The following OPCML variants were observed in gnomAD, a reference collection of about 807,000 sequenced individuals.
OPCML encodes the protein opioid binding protein/cell adhesion molecule like, also known as opioid-binding protein/cell adhesion molecule.
OPCML carries 13 observed loss-of-function variants against 37.8 expected under a neutral mutation model. That is an observed-to-expected ratio of 0.34 (90% CI 0.22 to 0.55). The LOEUF is 0.55. OPCML is among the 20% of genes least tolerant of loss of function. OPCML has a pLI of 0.91. For synonymous variants in OPCML, 176 were observed against 168.8 expected (o/e 1.04, Z -0.33); for missense variants, 341 against 435.6 (o/e 0.78, Z 1.93).
At position 132,960,021 on chromosome 11, in the gene OPCML, G is replaced by C. The variant is rs532735340; in HGVS notation, c.62-17011C>G. Among the ~76,000 whole-genome samples the C allele has an allele frequency of 8.0e-4, 122 of 152,266 alleles. 1 individual carries two copies. Among genetic ancestry groups the C allele is most frequent in the African/African-American group, 2.7e-3 (113 of 41,548 alleles). ...TGGCTCTAAAATTGAGCTTAAACAGGCTGCTTGAACCTCTTGACCTTGACC... is the reference window on the plus strand; with the variant it reads ...TGGCTCTAAAATTGAGCTTAAACAGCCTGCTTGAACCTCTTGACCTTGACC... On this transcript the variant is annotated intron_variant, in intron 1 of 7. Transcript: ENST00000524381.
chr11:132,597,928 A>G (rs2137752406), intron 3 of OPCML, among the ~76,000 whole-genome samples: 1 of 152,230 alleles, frequency 6.6e-6, no homozygotes, highest in Non-Finnish European at 1.5e-5. Context: ...AATTTTCCTT[A>G]ATGTGCTAAG....
intron 1 of OPCML, among the ~76,000 whole-genome samples, chr11:133,268,280 T>C (rs1478046500): frequency 2.0e-5 from 3 of 152,226 alleles, no homozygotes; most frequent in Non-Finnish European, 2.9e-5. Flanking sequence ...ATGCAACTGA[T>C]AGAACAGTAT....
chr11:132,534,278 A>T (rs2096334316), intron 3 of OPCML, among the ~76,000 whole-genome samples: 1 of 152,162 alleles, frequency 6.6e-6, no homozygotes, highest in African/African-American at 2.4e-5. Flanking sequence ...CTTGTATAAA[A>T]CATACATAGT....
intron 1 of OPCML, among the ~76,000 whole-genome samples, chr11:133,204,868 GTATA>G (rs57658806): frequency 0.025 from 2,961 of 116,946 alleles, 83 homozygotes; most frequent in East Asian, 0.06. Context: ...ATATATATGT[GTATA>G]TATATATATA....
At chr11:133,152,309 T>G (rs1949997950) in intron 1 of OPCML, among the ~76,000 whole-genome samples, 1 of 152,218 alleles carries the variant, frequency 6.6e-6, no homozygotes, top group Non-Finnish European at 1.5e-5. Flanking sequence ...TTTGTGATGC[T>G]TATCAACAGT....
At chr11:133,007,289 G>T (rs1947131536) in intron 1 of OPCML, 1 of 985,318 alleles carries the variant, frequency 1.0e-6, no homozygotes, top group South Asian at 4.7e-5. Flanking sequence ...TTATGCTGTT[G>T]CAGGATACAG....
At chr11:133,501,186 G>T (rs781613355) in intron 1 of OPCML, among the ~76,000 whole-genome samples, 24 of 152,196 alleles carry the variant, frequency 1.6e-4, no homozygotes, top group Admixed American at 1.4e-3. Context: ...ACACACAAGC[G>T]CCAGATTCAC....
At chr11:133,430,428 G>C (rs568190911) in intron 1 of OPCML, among the ~76,000 whole-genome samples, 93 of 152,282 alleles carry the variant, frequency 6.1e-4, no homozygotes, top group African/African-American at 2.2e-3. Context: ...GAATATTCCA[G>C]ATGGCCTAAA....
At chr11:132,566,072 T>C (rs1432112203) in intron 3 of OPCML, among the ~76,000 whole-genome samples, 1 of 152,232 alleles carries the variant, frequency 6.6e-6, no homozygotes, top group Non-Finnish European at 1.5e-5. Context: ...CATTTGGCTC[T>C]GTCTGATTAA....
chr11:132,975,952 A>G (rs1370946699), intron 1 of OPCML, among the ~76,000 whole-genome samples: 1 of 152,090 alleles, frequency 6.6e-6, no homozygotes, highest in Non-Finnish European at 1.5e-5. Flanking sequence ...TTGTATTTTT[A>G]GTAGAGACGG....
intron 1 of OPCML, among the ~76,000 whole-genome samples, chr11:133,262,610 C>T (rs1443885252): frequency 6.6e-6 from 1 of 152,184 alleles, no homozygotes; most frequent in Non-Finnish European, 1.5e-5. Context: ...TGGCCAGACA[C>T]CCTTCCACTG....
chr11:133,007,823 C>T (rs1947140965), intron 1 of OPCML: 5 of 985,364 alleles, frequency 5.1e-6, no homozygotes, highest in Non-Finnish European at 6.0e-6. Context: ...GATCACTCAG[C>T]TTTTTGCAGT....
intron 1 of OPCML, among the ~76,000 whole-genome samples, chr11:133,202,949 G>T (rs1938863820): frequency 6.6e-6 from 1 of 152,220 alleles, no homozygotes; most frequent in South Asian, 2.1e-4. Flanking sequence ...AGCTGCACTT[G>T]TTTAGTATCT....
intron 2 of OPCML, among the ~76,000 whole-genome samples, chr11:132,845,022 A>G (rs1941461054): frequency 6.6e-6 from 1 of 151,368 alleles, no homozygotes; most frequent in Admixed American, 6.6e-5. Context: ...CTGTATGGAT[A>G]GCAAACATGT....
At chr11:133,215,203 A>AGTGTGT (rs566797124) in intron 1 of OPCML, among the ~76,000 whole-genome samples, 9 of 148,860 alleles carry the variant, frequency 6.0e-5, no homozygotes, top group African/African-American at 2.1e-4. Context: ...AGAGAGAGAG[A>AGTGTGT]GAGTGTGTGT....
At chr11:132,924,184 AAAAT>A (rs1310759217) in intron 2 of OPCML, among the ~76,000 whole-genome samples, 2 of 152,034 alleles carry the variant, frequency 1.3e-5, no homozygotes, top group Non-Finnish European at 2.9e-5. Flanking sequence ...AGAGGAAGTA[AAAAT>A]AAATAAATAA....
chr11:132,901,461 C>T (rs1013610621), intron 2 of OPCML, among the ~76,000 whole-genome samples: 1 of 152,138 alleles, frequency 6.6e-6, no homozygotes, highest in African/African-American at 2.4e-5. Context: ...ATGAATAGCC[C>T]AGCGTTGCAC....
chr11:132,907,399 G>A (rs547094534), intron 2 of OPCML, among the ~76,000 whole-genome samples: 166 of 152,222 alleles, frequency 1.1e-3, no homozygotes, highest in African/African-American at 3.7e-3. Context: ...TTGGGAGGCC[G>A]AAGCTGGTGG....
At chr11:133,019,647 A>G (rs1054825393) in intron 1 of OPCML, among the ~76,000 whole-genome samples, 2 of 152,178 alleles carry the variant, frequency 1.3e-5, no homozygotes, top group Non-Finnish European at 1.5e-5. Context: ...AGACTACAAC[A>G]TCTATCTTCA....
Sources: allele counts gnomAD v4.1 joint callset (sites outside exome capture counted in the v4.1 genomes callset), GRCh38; gene constraint gnomAD v4.1.1; transcripts MANE v1.5; gene names NCBI Gene and HGNC (gene_info 2026-07-23, HGNC 2026-07-21).